Variants in SPAG16 observed in about 807,000 individuals in gnomAD.
SPAG16 encodes the protein sperm associated antigen 16, also known as sperm-associated antigen 16 protein.
Under a neutral mutation model 80.4 loss-of-function variants are expected in SPAG16, and 86 were observed. That is an observed-to-expected ratio of 1.07 (90% confidence interval 0.90 to 1.28). The LOEUF is 1.28. SPAG16 is among the 50% of genes most tolerant of loss of function. SPAG16 has a pLI of 0.00. For synonymous variants in SPAG16, 294 were observed against 265.9 expected (o/e 1.11, Z -1.03); for missense variants, 870 against 765.3 (o/e 1.14, Z -1.61).
At chr2:214,180,040 C>T (rs1288305020) in intron 15 of SPAG16, among the ~76,000 whole-genome samples, 1 of 151,520 alleles carries the variant, frequency 6.6e-6, no homozygotes, top group Non-Finnish European at 1.5e-5. Context: ...CGAAATTACA[C>T]AGATAAATAA....
intron 10 of SPAG16, among the ~76,000 whole-genome samples, chr2:213,738,841 G>A (rs972598534): frequency 1.3e-5 from 2 of 152,166 alleles, no homozygotes; most frequent in African/African-American, 2.4e-5. Context: ...TCTGTCCAGT[G>A]GGTTTGGAAC....
chr2:213,858,899 C>T (rs892278656), intron 10 of SPAG16, among the ~76,000 whole-genome samples: 3 of 151,570 alleles, frequency 2.0e-5, no homozygotes, highest in Non-Finnish European at 4.4e-5. Context: ...ATAAAAAGTC[C>T]GCCAGGTGCA....
rs1698971074 is a variant in SPAG16 at position 214,358,579 on chromosome 2, G to A, written c.1721-51561G>A. 2.6e-5 allele frequency among the ~76,000 whole-genome samples: 4 copies of A among 151,676 alleles called. No individual in the cohort carries two copies. In the South Asian group the frequency reaches 8.3e-4, roughly 32 times the overall value. On this transcript the variant is annotated intron_variant, in intron 15 of 15. Transcript: ENST00000331683. Reference sequence around the variant, plus strand: ...CCTATGGAATCTACCACTGAAAACAGAGACCTAATCACTCTTCTTTCTGCT... The same window carrying A: ...CCTATGGAATCTACCACTGAAAACAAAGACCTAATCACTCTTCTTTCTGCT...
intron 10 of SPAG16, among the ~76,000 whole-genome samples, chr2:213,811,843 A>G (rs1387619688): frequency 6.6e-6 from 1 of 152,172 alleles, no homozygotes; most frequent in African/African-American, 2.4e-5. Flanking sequence ...AGAAAAGGAA[A>G]GGCAAGCAGT....
chr2:213,430,452 T>C (rs2070221270), intron 9 of SPAG16, among the ~76,000 whole-genome samples: 1 of 152,170 alleles, frequency 6.6e-6, no homozygotes. Flanking sequence ...TCTGAAAACA[T>C]TATGAGATTT....
chr2:213,865,184 G>T (rs184639726), intron 11 of SPAG16, among the ~76,000 whole-genome samples: 1 of 151,886 alleles, frequency 6.6e-6, no homozygotes, highest in Non-Finnish European at 1.5e-5. Context: ...TAAATTTTTT[G>T]AGTTCATTTA....
chr2:213,528,310 TG>T (rs2075959056), intron 10 of SPAG16, among the ~76,000 whole-genome samples: 1 of 151,746 alleles, frequency 6.6e-6, no homozygotes, highest in Non-Finnish European at 1.5e-5. Flanking sequence ...TGGCAGGGGG[TG>T]GGGGTAAGAA....
At chr2:213,874,473 G>A (rs144915256) in intron 11 of SPAG16, among the ~76,000 whole-genome samples, 1 of 152,164 alleles carries the variant, frequency 6.6e-6, no homozygotes, top group East Asian at 1.9e-4. Context: ...CACAGGGTCA[G>A]GATCATTAAT....
chr2:213,618,533 T>C (rs1394842527), intron 10 of SPAG16, among the ~76,000 whole-genome samples: 2 of 152,200 alleles, frequency 1.3e-5, no homozygotes, highest in African/African-American at 4.8e-5. Flanking sequence ...GAATAGATAT[T>C]TGTTACTTAA....
At chr2:214,406,892 A>T (rs1038352977) in intron 15 of SPAG16, among the ~76,000 whole-genome samples, 2 of 152,102 alleles carry the variant, frequency 1.3e-5, no homozygotes, top group African/African-American at 4.8e-5. Flanking sequence ...ATAAGTATTG[A>T]TTATATATTT....
chr2:214,059,260 G>GTGTATA (rs1553706252), intron 13 of SPAG16, among the ~76,000 whole-genome samples: 5 of 132,998 alleles, frequency 3.8e-5, no homozygotes, highest in African/African-American at 8.6e-5. Flanking sequence ...ATATATGTAT[G>GTGTATA]TATATATATA....
At chr2:213,947,074 A>G (rs2079512678) in intron 12 of SPAG16, among the ~76,000 whole-genome samples, 2 of 152,124 alleles carry the variant, frequency 1.3e-5, no homozygotes, top group South Asian at 4.1e-4. Context: ...GTATATAAAC[A>G]TCATAGTTTA....
chr2:214,108,950 A>G (rs749522141), intron 14 of SPAG16, among the ~76,000 whole-genome samples: 2 of 152,142 alleles, frequency 1.3e-5, no homozygotes, highest in African/African-American at 4.8e-5. Context: ...TTAATCCCCA[A>G]TGCAAGAGTG....
At chr2:213,438,919 G>A (rs181111575) in intron 9 of SPAG16, among the ~76,000 whole-genome samples, 5 of 152,292 alleles carry the variant, frequency 3.3e-5, no homozygotes, top group South Asian at 2.1e-4. Flanking sequence ...TTTCTGTGGC[G>A]CCATGTGACA....
At chr2:214,119,330 C>A (rs1488431626) in intron 14 of SPAG16, among the ~76,000 whole-genome samples, 1 of 151,992 alleles carries the variant, frequency 6.6e-6, no homozygotes, top group Non-Finnish European at 1.5e-5. Flanking sequence ...TGTCATGAGA[C>A]ATTTTAAGGA....
intron 15 of SPAG16, among the ~76,000 whole-genome samples, chr2:214,382,413 ATT>A (rs1247316756): frequency 6.6e-6 from 1 of 152,200 alleles, no homozygotes; most frequent in African/African-American, 2.4e-5. Context: ...CTGACCTTAG[ATT>A]TTGTGGGCCC....
rs148977397 is a variant in SPAG16 at position 213,518,908 on chromosome 2, A to G, written c.1070+28818A>G. On this transcript the variant is annotated intron_variant, in intron 10 of 15. Coordinates refer to ENST00000331683, the MANE Select transcript of SPAG16 (RefSeq NM_024532.5). Reference sequence around the variant, plus strand: ...ATGCAGCCATAAAAAGAACGAAATCATGTCCTTTGTGGCAACATGGTTGGA... The same window carrying G: ...ATGCAGCCATAAAAAGAACGAAATCGTGTCCTTTGTGGCAACATGGTTGGA... Among the ~76,000 whole-genome samples, 576 of 152,346 alleles carry G rather than the reference A, an allele frequency of 3.8e-3. 8 individuals carry two copies. Among genetic ancestry groups the G allele is most frequent in the Middle Eastern group, 0.017 (5 of 294 alleles).
intron 10 of SPAG16, among the ~76,000 whole-genome samples, chr2:213,857,549 G>A (rs1186409926): frequency 1.5e-5 from 2 of 132,166 alleles, no homozygotes; most frequent in Admixed American, 8.0e-5. Flanking sequence ...GAGACCTACT[G>A]TTCAGAAAAA....
chr2:213,953,145 A>G (rs1421432149), intron 12 of SPAG16, among the ~76,000 whole-genome samples: 1 of 152,058 alleles, frequency 6.6e-6, no homozygotes, highest in Non-Finnish European at 1.5e-5. Flanking sequence ...CTTTCTGTGA[A>G]TATTTTTTCA....
Sources: allele counts gnomAD v4.1 joint callset (sites outside exome capture counted in the v4.1 genomes callset), GRCh38; gene constraint gnomAD v4.1.1; transcripts MANE v1.5; gene names NCBI Gene and HGNC (gene_info 2026-07-23, HGNC 2026-07-21).